ZNF277: variants seen among roughly 807,000 people sequenced by gnomAD.
ZNF277 encodes the protein zinc finger protein 277, also known as nuclear receptor-interacting factor 4.
Under a neutral mutation model 60.7 loss-of-function variants are expected in ZNF277, and 55 were observed. The ratio of observed to expected loss-of-function variants is 0.91; its 90% CI spans 0.73 to 1.13. The LOEUF is 1.13. Among genes scored for constraint, ZNF277 ranks in the 50% most tolerant of loss-of-function variants. The pLI is 0.00. For synonymous variants in ZNF277, 178 were observed against 179.3 expected (o/e 0.99, Z 0.06); for missense variants, 510 against 523.0 (o/e 0.98, Z 0.24).
chr7:112,316,070 A>G (rs1259977615), intron 4 of ZNF277, among the ~76,000 whole-genome samples: 1 of 152,188 alleles, frequency 6.6e-6, no homozygotes, highest in Non-Finnish European at 1.5e-5. Flanking sequence ...GGCACCAAGT[A>G]GCTATGCAGC....
chr7:112,337,897 A>C, intron 9 of ZNF277, 71 bp downstream of exon 9: 1 of 1,265,774 alleles, frequency 7.9e-7, no homozygotes, highest in Non-Finnish European at 1.1e-6. Flanking sequence ...TTGCACCCTC[A>C]TCTGCTTTTA....
chr7:112,259,006 G>T (rs867239191), intron 1 of ZNF277, among the ~76,000 whole-genome samples: 5 of 151,968 alleles, frequency 3.3e-5, no homozygotes, highest in Middle Eastern at 6.8e-3. Flanking sequence ...TATTCTCCCT[G>T]ATACCCATGT....
chr7:112,217,609 C>G (rs188688505), intron 1 of ZNF277, among the ~76,000 whole-genome samples: 4 of 152,176 alleles, frequency 2.6e-5, no homozygotes, highest in Admixed American at 6.5e-5. Context: ...TTGGGAGGAG[C>G]TTAGTTCATA....
chr7:112,265,793 A>T (rs1208917626), intron 1 of ZNF277, among the ~76,000 whole-genome samples: 1 of 152,204 alleles, frequency 6.6e-6, no homozygotes, highest in Non-Finnish European at 1.5e-5. Context: ...TTTTTTATTC[A>T]GAAAATTGTT....
intron 1 of ZNF277, among the ~76,000 whole-genome samples, chr7:112,236,114 G>A (rs1790778963): frequency 6.6e-6 from 1 of 152,032 alleles, no homozygotes; most frequent in South Asian, 2.1e-4. Context: ...TCTGATGCTA[G>A]TACCACACTA....
intron 4 of ZNF277, among the ~76,000 whole-genome samples, chr7:112,314,760 C>T (rs1584403367): frequency 6.6e-6 from 1 of 152,134 alleles, no homozygotes; most frequent in South Asian, 2.1e-4. Context: ...CATGCCACTG[C>T]ACTCCAGCCT....
intron 4 of ZNF277, among the ~76,000 whole-genome samples, chr7:112,304,135 A>G (rs1465822062): frequency 6.6e-6 from 1 of 152,112 alleles, no homozygotes; most frequent in African/African-American, 2.4e-5. Context: ...TTAACTTTCT[A>G]TCATCTCTCA....
In ZNF277 at chr7:112,220,288, AT is replaced by A. The variant is rs939742144; in HGVS notation, c.91+13492del. ...ACTCTTTGGTTCATTATTCCTAAGT[AT>A]TTTTTTTTTTGGCAAGATTGTAAAT... On this transcript the variant is annotated intron_variant, in intron 1 of 11. Transcript: ENST00000361822. Among the ~76,000 whole-genome samples, 649 of 145,972 alleles carry A rather than the reference AT, an allele frequency of 4.4e-3. 2 individuals carry two copies. Among genetic ancestry groups the A allele is most frequent in the African/African-American group, 0.012 (468 of 40,012 alleles).
chr7:112,237,568 A>G (rs1265740569), intron 1 of ZNF277, among the ~76,000 whole-genome samples: 1 of 152,182 alleles, frequency 6.6e-6, no homozygotes, highest in Non-Finnish European at 1.5e-5. Context: ...CAGAGACTAA[A>G]CAACACTATG....
chr7:112,280,044 T>G (rs1172930941), intron 1 of ZNF277, among the ~76,000 whole-genome samples: 1 of 152,164 alleles, frequency 6.6e-6, no homozygotes, highest in Non-Finnish European at 1.5e-5. Flanking sequence ...AAATTCGTGT[T>G]CTTTGAGGGT....
Position 112,310,478 on chromosome 7 carries a change from A to AGAGAGAGAGAGAGAGAGT in ZNF277, c.466-7703_466-7702insAGAGAGAGAGAGAGAGTG, listed in dbSNP as rs762824873. Among the ~76,000 whole-genome samples, 426 of 125,530 alleles carry AGAGAGAGAGAGAGAGAGT rather than the reference A, an allele frequency of 3.4e-3. 17 individuals are homozygous for AGAGAGAGAGAGAGAGAGT. The highest frequency in any genetic ancestry group is 0.014 in the African/African-American group (373 of 25,782). The allele number at this position is 125,530 out of a possible 152,430, so 82.4% of individuals were successfully genotyped here. A position where few individuals can be genotyped will look rare whatever the true frequency, so the allele number is the denominator to read the frequency against. On this transcript the variant is annotated intron_variant, in intron 4 of 11. Coordinates refer to ENST00000361822, the MANE Select transcript of ZNF277 (RefSeq NM_021994.3). ...TTGAGAGAGAGAGAGAGAGAGAGAGAGTGTGTGTGTGTGTATGTATTTTAT... is the reference window on the plus strand; with the variant it reads ...TTGAGAGAGAGAGAGAGAGAGAGAGAGAGAGAGAGAGAGAGAGTGTGTGTGTGTGTGTATGTATTTTAT...
chr7:112,330,707 G>C (rs1793210940), intron 7 of ZNF277, among the ~76,000 whole-genome samples: 2 of 151,912 alleles, frequency 1.3e-5, no homozygotes, highest in South Asian at 4.1e-4. Context: ...TGGAATTACA[G>C]CTACTGTGCT....
chr7:112,224,742 G>A (rs1439273084), intron 1 of ZNF277, among the ~76,000 whole-genome samples: 1 of 152,180 alleles, frequency 6.6e-6, no homozygotes. Context: ...AGGGTTCAGA[G>A]GAACATGACT....
intron 1 of ZNF277, among the ~76,000 whole-genome samples, chr7:112,219,833 A>G (rs1270187703): frequency 6.6e-6 from 1 of 152,144 alleles, no homozygotes; most frequent in Non-Finnish European, 1.5e-5. Flanking sequence ...GGGAGATCTC[A>G]CTATGTTAGC....
chr7:112,248,862 A>G (rs1791140457), intron 1 of ZNF277, among the ~76,000 whole-genome samples: 1 of 152,218 alleles, frequency 6.6e-6, no homozygotes, highest in East Asian at 1.9e-4. Context: ...CATCTTGCAC[A>G]TGGGACACCT....
In ZNF277 at chr7:112,305,969, T is replaced by C. The variant is rs78621803; in HGVS notation, c.465+9658T>C. 6.1e-3 allele frequency among the ~76,000 whole-genome samples: 931 copies of C among 152,228 alleles called. 9 individuals carry two copies. The highest frequency in any genetic ancestry group is 0.021 in the African/African-American group (874 of 41,552). Reference sequence around the variant, plus strand: ...TCTGGGTTCTGGTATTATAAATAAGTCACTTCAAAAGAAAGCTAGTACTTT... The same window carrying C: ...TCTGGGTTCTGGTATTATAAATAAGCCACTTCAAAAGAAAGCTAGTACTTT... On this transcript the variant is annotated intron_variant, in intron 4 of 11. Coordinates refer to ENST00000361822, the MANE Select transcript of ZNF277 (RefSeq NM_021994.3).
chr7:112,323,942 C>T (rs189961940), intron 5 of ZNF277, among the ~76,000 whole-genome samples: 200 of 152,092 alleles, frequency 1.3e-3, no homozygotes, highest in African/African-American at 4.5e-3. Context: ...ATATTTGTTC[C>T]TAAAGTATAG....
Position 112,282,709 on chromosome 7 carries a change from A to G in ZNF277, c.92-4164A>G, listed in dbSNP as rs532025697. On this transcript the variant is annotated intron_variant, in intron 1 of 11. Coordinates refer to ENST00000361822, the MANE Select transcript of ZNF277 (RefSeq NM_021994.3). ...ACCTTCCTCTTTCCAGTCCATTCTC[A>G]TATCAGTTTAGAACATAAGTGGCTT... 3.9e-5 allele frequency among the ~76,000 whole-genome samples: 6 copies of G among 152,366 alleles called. No homozygotes were observed. The South Asian group carries it at 6.2e-4, about 16-fold the overall frequency.
intron 1 of ZNF277, among the ~76,000 whole-genome samples, chr7:112,222,182 G>C (rs550951597): frequency 1.6e-4 from 25 of 152,328 alleles, no homozygotes; most frequent in Admixed American, 5.2e-4. Context: ...TTTGGTATCA[G>C]GGTGATTCAG....
Sources: allele counts gnomAD v4.1 joint callset (sites outside exome capture counted in the v4.1 genomes callset), GRCh38; gene constraint gnomAD v4.1.1; transcripts MANE v1.5; gene names NCBI Gene and HGNC (gene_info 2026-07-23, HGNC 2026-07-21).